The following DNAJC9 variants were observed in gnomAD, a reference collection of about 807,000 sequenced individuals.
DNAJC9 encodes DnaJ heat shock protein family (Hsp40) member C9, also known as dnaJ homolog subfamily C member 9.
A neutral mutation model predicts 32.4 loss-of-function variants in DNAJC9; 18 were observed. The ratio of observed to expected loss-of-function variants is 0.56; its 90% CI spans 0.38 to 0.82. DNAJC9 has a LOEUF of 0.82. Ranked by LOEUF, DNAJC9 falls within the 40% of genes least tolerant of loss-of-function variation. The pLI is 0.00. For missense variants in DNAJC9, 310 were observed against 321.8 expected (o/e 0.96, Z 0.28); for synonymous variants, 113 against 122.1 (o/e 0.93, Z 0.49).
rs200062408 is a variant in DNAJC9, at chr10:73,243,415, C to T, written c.768G>A (p.Lys256=). The change falls in exon 5 of 5, where the codon AAG becomes AAA. Residue 256 remains lysine (K), a synonymous_variant. Coordinates refer to ENST00000372950, the MANE Select transcript of DNAJC9 (RefSeq NM_015190.5). ...AAAAATTCCATTATTTCTTTTCTTT[C>T]TTGAGAGCAGATTTTTTCCCTCCTC... ...SKGGGKKSAL[K]KEKK is the part of the protein sequence containing the mutation. The T allele has an allele frequency of 1.5e-5, 25 of 1,613,870 alleles. No homozygotes were observed. In the Admixed American group the frequency reaches 2.2e-4, roughly 14 times the overall value.
intron 1 of DNAJC9, 33 bp downstream of exon 1, chr10:73,246,977 A>T (rs765902399): frequency 2.6e-6 from 4 of 1,549,052 alleles, no homozygotes; most frequent in South Asian, 2.4e-5. Context: ...AGGCCCGCGC[A>T]GCCGGTCGGC....
rs2043981055 is a variant in DNAJC9, at chr10:73,244,001, A to G, written c.577-72T>C. On this transcript the variant is annotated intron_variant, in intron 3 of 4. Coordinates refer to ENST00000372950, the MANE Select transcript of DNAJC9 (RefSeq NM_015190.5). ...AAAATACATACTCTTTCCCAAAAGC[A>G]AATCTATAATTCTGTTTCAATTTTA... is the stretch of plus-strand genomic sequence containing the variant. 6.5e-6 allele frequency: 8 copies of G among 1,240,156 alleles called. No individual in the cohort carries two copies. The East Asian group carries it at 1.9e-4, about 29-fold the overall frequency. The allele number at this position is 1,240,156 out of a possible 1,614,324, so 76.8% of individuals were successfully genotyped here.
chr10:73,235,763 T>G (rs2043806596), downstream of DNAJC9, among the ~76,000 whole-genome samples: 1 of 152,166 alleles, frequency 6.6e-6, no homozygotes, highest in African/African-American at 2.4e-5. Context: ...CTGGAACTCC[T>G]GGGCTCAAGC....
rs1270311965 is a variant in DNAJC9 at position 73,247,238 on chromosome 10, C to T, written c.-49G>A. The stretch of plus-strand genomic sequence containing the variant: ...AGGAAGCAGCCGCTCCCAGCTGCGC[C>T]GGGTACAACCCAGGACTGCTTCTTT... On this transcript the variant is annotated 5_prime_UTR_variant, in exon 1 of 5. Transcript: ENST00000372950. The T allele has an allele frequency of 2.6e-6, 4 of 1,554,940 alleles. No homozygotes were observed. Among genetic ancestry groups the T allele is most frequent in the Non-Finnish European group, 2.6e-6 (3 of 1,149,778 alleles).
rs773678698 is a variant in DNAJC9, at chr10:73,243,354, G to A, written c.*46C>T. 11 of 1,606,272 alleles carry A rather than the reference G, an allele frequency of 6.8e-6. No homozygotes were observed. The highest frequency in any genetic ancestry group is 4.5e-5 in the East Asian group (2 of 44,818). Reference sequence around the variant, plus strand: ...CAAATCCTGCCTGCACCTTGCCTACGATGGCATCAATTTACACCTAAGGAC... The same window carrying A: ...CAAATCCTGCCTGCACCTTGCCTACAATGGCATCAATTTACACCTAAGGAC... On this transcript the variant is annotated 3_prime_UTR_variant, in exon 5 of 5. Coordinates refer to ENST00000372950, the MANE Select transcript of DNAJC9 (RefSeq NM_015190.5).
At chr10:73,241,218 C>A, downstream of DNAJC9, 2 of 540,840 alleles carry the variant, frequency 3.7e-6, no homozygotes, top group Non-Finnish European at 6.6e-6. Flanking sequence ...TCTCCAGTTA[C>A]TGTCTCTTTC....
downstream of DNAJC9, among the ~76,000 whole-genome samples, chr10:73,238,026 A>C (rs1349542373): frequency 1.3e-5 from 2 of 152,164 alleles, no homozygotes; most frequent in African/African-American, 4.8e-5. Flanking sequence ...AAAAAGGGAG[A>C]TAGCTAGTTG....
chr10:73,239,394 G>A (rs980331166), downstream of DNAJC9: 2 of 1,549,928 alleles, frequency 1.3e-6, no homozygotes, highest in Non-Finnish European at 1.7e-6. Flanking sequence ...GGTAAAGGTG[G>A]GGCCATGGCC....
At chr10:73,237,326 G>A (rs1274203148), downstream of DNAJC9, among the ~76,000 whole-genome samples, 1 of 152,176 alleles carries the variant, frequency 6.6e-6, no homozygotes, top group Admixed American at 6.5e-5. Flanking sequence ...CAGAAAGTTT[G>A]AGAACTTCTA....
chr10:73,235,871 A>G (rs2043808702), downstream of DNAJC9, among the ~76,000 whole-genome samples: 1 of 152,154 alleles, frequency 6.6e-6, no homozygotes, highest in Non-Finnish European at 1.5e-5. Context: ...AAATGCTGAC[A>G]CTGCCTACCA....
Position 73,242,316 on chromosome 10 carries a change from A to C in DNAJC9, c.*1084T>G, listed in dbSNP as rs1307626080. On this transcript the variant is annotated 3_prime_UTR_variant, in exon 5 of 5. Transcript: ENST00000372950. ...AAAAATTCCATATATTCTCATACCA[A>C]CTCATCTACATAGAAATGAAAATCT... The C allele has an allele frequency of 6.6e-6, 1 of 152,158 alleles. No homozygotes were observed. The highest frequency in any genetic ancestry group is 1.5e-5 in the Non-Finnish European group (1 of 68,028). The allele number at this position is 152,158 out of a possible 1,614,324, so 9.4% of individuals were successfully genotyped here.
At chr10:73,245,460 AAAAAG>A (rs1171667993) in intron 3 of DNAJC9, among the ~76,000 whole-genome samples, 14 of 151,978 alleles carry the variant, frequency 9.2e-5, no homozygotes, top group Non-Finnish European at 1.5e-4. Context: ...TAAAAAAAAA[AAAAAG>A]AAAAGAAAAA....
chr10:73,235,420 C>G, downstream of DNAJC9: 3 of 1,485,866 alleles, frequency 2.0e-6, no homozygotes, highest in Non-Finnish European at 1.8e-6. Context: ...GAGGCTTAAC[C>G]CAGAATAAAA....
chr10:73,243,342 C>T lies in DNAJC9; in HGVS notation c.*58G>A. The T allele has an allele frequency of 1.9e-6, 3 of 1,598,766 alleles. No homozygotes were observed. Among genetic ancestry groups the T allele is most frequent in the Non-Finnish European group, 1.7e-6 (2 of 1,172,988 alleles). On this transcript the variant is annotated 3_prime_UTR_variant, in exon 5 of 5. Coordinates refer to ENST00000372950, the MANE Select transcript of DNAJC9 (RefSeq NM_015190.5). ...GACTTTTGCCTTCAAATCCTGCCTG[C>T]ACCTTGCCTACGATGGCATCAATTT...
At chr10:73,234,716 A>C, downstream of DNAJC9, 1 of 1,316,308 alleles carries the variant, frequency 7.6e-7, no homozygotes, top group Non-Finnish European at 1.0e-6. Context: ...TTCTGTGCAC[A>C]TTAAACTCAT....
At chr10:73,236,689 G>A (rs1209406519), downstream of DNAJC9, among the ~76,000 whole-genome samples, 1 of 151,174 alleles carries the variant, frequency 6.6e-6, no homozygotes, top group South Asian at 2.1e-4. Context: ...TGTGATTATA[G>A]GTGTGAGCCA....
chr10:73,237,087 G>A (rs184707096), downstream of DNAJC9, among the ~76,000 whole-genome samples: 2 of 152,208 alleles, frequency 1.3e-5, no homozygotes, highest in African/African-American at 2.4e-5. Flanking sequence ...GATACCAGTC[G>A]CTGAATTTAG....
intron 2 of DNAJC9, 41 bp from the exon 3 acceptor site, chr10:73,246,217 C>A (rs746887349): frequency 6.3e-7 from 1 of 1,581,170 alleles, no homozygotes; most frequent in South Asian, 1.2e-5. Flanking sequence ...GGGAATTTTA[C>A]TTTAAATAAA....
downstream of DNAJC9, among the ~76,000 whole-genome samples, chr10:73,240,483 C>A (rs192299613): frequency 1.3e-5 from 2 of 152,104 alleles, no homozygotes; most frequent in Non-Finnish European, 2.9e-5. Context: ...GAGGCCAAGG[C>A]GGGCGGATCA....
Sources: gnomAD v4.1 joint callset for allele counts (sites outside exome capture counted in the v4.1 genomes callset) on GRCh38, gnomAD v4.1.1 for gene constraint, MANE v1.5 for transcripts, NCBI Gene and HGNC (gene_info 2026-07-23, HGNC 2026-07-21) for gene names.